TRAPPC13: variants seen among roughly 807,000 people sequenced by gnomAD.
The protein encoded by TRAPPC13 is REV7-interacting novel NHEJ regulator 1.
A neutral mutation model predicts 54.0 loss-of-function variants in TRAPPC13; 39 were observed. The ratio of observed to expected loss-of-function variants is 0.72; its 90% CI spans 0.56 to 0.94. The LOEUF is 0.94. Ranked by LOEUF, TRAPPC13 falls within the 40% of genes least tolerant of loss-of-function variation. TRAPPC13 has a pLI of 0.00. For synonymous variants in TRAPPC13, 148 were observed against 167.7 expected, an observed-to-expected ratio of 0.88 and a Z score of 0.91; for missense variants, 386 against 488.1, an observed-to-expected ratio of 0.79 and a Z score of 1.97.
At chr5:65,650,973 G>C in intron 6 of TRAPPC13, 91 bp downstream of exon 6, 1 of 937,622 alleles carries the variant, frequency 1.1e-6, no homozygotes, top group Non-Finnish European at 1.7e-6. Flanking sequence ...GGGAAAACAA[G>C]CTCCAAATAA....
intron 1 of TRAPPC13, among the ~76,000 whole-genome samples, chr5:65,626,822 A>G (rs1032912284): frequency 2.0e-5 from 3 of 151,926 alleles, no homozygotes; most frequent in Non-Finnish European, 4.4e-5. Flanking sequence ...TTTTTTTTCC[A>G]AAACCAAGGA....
At chr5:65,626,508 G>A (rs1755237750) in intron 1 of TRAPPC13, among the ~76,000 whole-genome samples, 1 of 152,192 alleles carries the variant, frequency 6.6e-6, no homozygotes, top group African/African-American at 2.4e-5. Context: ...GGAGGCCAAG[G>A]CGGGTGATCA....
At chr5:65,663,367 A>G (rs1196289487) in intron 11 of TRAPPC13, 2 of 152,142 alleles carry the variant, frequency 1.3e-5, no homozygotes, top group African/African-American at 4.8e-5. Context: ...CAACATATAT[A>G]AGTCTTACTG....
chr5:65,644,702 G>A (rs962650825), intron 4 of TRAPPC13, among the ~76,000 whole-genome samples: 2 of 151,978 alleles, frequency 1.3e-5, no homozygotes, highest in African/African-American at 4.8e-5. Flanking sequence ...CCAACATGGT[G>A]TAACCCTGTT....
At chr5:65,661,022 A>G in intron 10 of TRAPPC13, 125 bp downstream of exon 10, 2 of 711,802 alleles carry the variant, frequency 2.8e-6, no homozygotes, top group Non-Finnish European at 2.3e-6. Context: ...CTACTACTGG[A>G]GCAGAAAAGA....
chr5:65,661,028 A>G, intron 10 of TRAPPC13, 131 bp downstream of exon 10: 1 of 682,004 alleles, frequency 1.5e-6, no homozygotes, highest in South Asian at 2.1e-5. Context: ...CTGGAGCAGA[A>G]AAGATTAATA....
At chr5:65,644,166 G>T (rs1033425615) in intron 4 of TRAPPC13, among the ~76,000 whole-genome samples, 1 of 152,042 alleles carries the variant, frequency 6.6e-6, no homozygotes, top group Non-Finnish European at 1.5e-5. Flanking sequence ...TTTCCTGGAG[G>T]TCCTGGTGAT....
chr5:65,658,292 T>C (rs1189286337), intron 8 of TRAPPC13, 76 bp from the exon 9 acceptor site: 14 of 1,393,998 alleles, frequency 1.0e-5, no homozygotes, highest in Non-Finnish European at 9.6e-6. Context: ...TTTCTTCATA[T>C]AGATAAGATA....
intron 1 of TRAPPC13, chr5:65,629,703 TA>T (rs1294956668): frequency 6.5e-7 from 1 of 1,536,094 alleles, no homozygotes; most frequent in Admixed American, 2.0e-5. Context: ...TCAAGATTTA[TA>T]CCTTGGTTTC....
At chr5:65,641,669 C>T (rs1194273738) in intron 4 of TRAPPC13, among the ~76,000 whole-genome samples, 2 of 151,034 alleles carry the variant, frequency 1.3e-5, no homozygotes, top group African/African-American at 4.9e-5. Flanking sequence ...TATAATTGTG[C>T]CACTGCATCC....
rs552439023 is a variant in TRAPPC13, at chr5:65,642,293, A to C, written c.300+4513A>C. ...AGCCGAGATTGTGCCACTGCACTCC[A>C]GCCTGGGCAACAGTGTGAGACTCCA... On this transcript the variant is annotated intron_variant, in intron 4 of 12. Transcript: ENST00000399438. Among the ~76,000 whole-genome samples, 430 of 152,252 alleles carry C rather than the reference A, an allele frequency of 2.8e-3. 4 individuals carry two copies. The highest frequency in any genetic ancestry group is 9.4e-3 in the African/African-American group (390 of 41,554).
chr5:65,655,785 A>C, intron 8 of TRAPPC13, 132 bp downstream of exon 8: 1 of 297,236 alleles, frequency 3.4e-6, no homozygotes, highest in East Asian at 5.8e-5. Context: ...GTGACTTCAG[A>C]AAGATTATAT....
chr5:65,641,944 G>GT lies in TRAPPC13; in HGVS notation c.300+4171dup, dbSNP rs577177555. On this transcript the variant is annotated intron_variant, in intron 4 of 12. Coordinates refer to ENST00000399438, the MANE Select transcript of TRAPPC13 (RefSeq NM_024941.4). ...CTAAGGGTGTCAATTTTGTTAAGCT[G>GT]TTTTTTTCTAGGAAATAATCCATTT... Among the ~76,000 whole-genome samples the GT allele has an allele frequency of 7.3e-3, 1,087 of 149,750 alleles. 9 individuals carry two copies. Among genetic ancestry groups the GT allele is most frequent in the Non-Finnish European group, 0.01 (677 of 67,474 alleles).
At chr5:65,652,339 C>CTTTTTTTTTTTTTTTTTT (rs11354403) in intron 6 of TRAPPC13, among the ~76,000 whole-genome samples, 162 bp from the exon 7 acceptor site, 1 of 116,234 alleles carries the variant, frequency 8.6e-6, no homozygotes, top group Non-Finnish European at 1.8e-5. Flanking sequence ...TTTTTCTTTT[C>CTTTTTTTTTTTTTTTTTT]TTTTTTTTTT....
At chr5:65,637,852 C>T in intron 4 of TRAPPC13, 72 bp downstream of exon 4, 1 of 794,462 alleles carries the variant, frequency 1.3e-6, no homozygotes, top group Non-Finnish European at 2.0e-6. Flanking sequence ...GGCATGGTGG[C>T]TCATGCCTGT....
chr5:65,625,204 A>T, intron 1 of TRAPPC13, 98 bp downstream of exon 1: 1 of 1,026,790 alleles, frequency 9.7e-7, no homozygotes, highest in East Asian at 2.4e-5. Flanking sequence ...TTAAACACTC[A>T]GTGCTCGCCC....
intron 4 of TRAPPC13, among the ~76,000 whole-genome samples, chr5:65,641,858 T>C (rs1027802065): frequency 1.3e-5 from 2 of 151,678 alleles, no homozygotes; most frequent in African/African-American, 4.8e-5. Context: ...GGAAGCTCCC[T>C]GATAACACTT....
At chr5:65,640,517 A>G (rs1433176957) in intron 4 of TRAPPC13, among the ~76,000 whole-genome samples, 2 of 152,266 alleles carry the variant, frequency 1.3e-5, no homozygotes, top group African/African-American at 4.8e-5. Context: ...CGGAGATTGT[A>G]TGGCCTCTAA....
intron 9 of TRAPPC13, among the ~76,000 whole-genome samples, chr5:65,659,267 C>T (rs1291884043): frequency 6.6e-6 from 1 of 152,170 alleles, no homozygotes; most frequent in Non-Finnish European, 1.5e-5. Flanking sequence ...TAGGTTTTGA[C>T]AAATATATAA....
Sources: allele counts gnomAD v4.1 joint callset (sites outside exome capture counted in the v4.1 genomes callset), GRCh38; gene constraint gnomAD v4.1.1; transcripts MANE v1.5; gene names NCBI Gene and HGNC (gene_info 2026-07-23, HGNC 2026-07-21).